The following ATP8A2 variants were observed in gnomAD, a reference collection of about 807,000 sequenced individuals.
ATP8A2 encodes ATPase phospholipid transporting 8A2.
Under a neutral mutation model 165.6 loss-of-function variants are expected in ATP8A2, and 100 were observed. The ratio of observed to expected loss-of-function variants is 0.60; its 90% confidence interval spans 0.51 to 0.71. The LOEUF is 0.71. Ranked by LOEUF, ATP8A2 falls within the 30% of genes least tolerant of loss-of-function variation. The pLI, the probability that ATP8A2 is intolerant of heterozygous loss-of-function variation, is 0.00. For synonymous variants in ATP8A2, 543 were observed against 548.8 expected (o/e 0.99, Z 0.15); for missense variants, 1,227 against 1,479.5 (o/e 0.83, Z 2.80).
chr13:25,458,462 G>A (rs1378572197), intron 1 of ATP8A2, among the ~76,000 whole-genome samples: 9 of 152,156 alleles, frequency 5.9e-5, no homozygotes, highest in South Asian at 2.1e-4. Context: ...CAATCCTCCC[G>A]CCTCAGCGTC....
intron 24 of ATP8A2, among the ~76,000 whole-genome samples, chr13:25,677,959 A>G (rs957455258): frequency 1.3e-5 from 2 of 152,218 alleles, no homozygotes; most frequent in African/African-American, 2.4e-5. Context: ...GGGATATTAC[A>G]GAGGGTTATG....
intron 25 of ATP8A2, among the ~76,000 whole-genome samples, chr13:25,763,346 C>G (rs1392873370): frequency 6.6e-6 from 1 of 152,176 alleles, no homozygotes; most frequent in Non-Finnish European, 1.5e-5. Context: ...TCTCACCTTT[C>G]CTTCGTTGTT....
chr13:25,415,967 C>T (rs2034121184), intron 1 of ATP8A2, among the ~76,000 whole-genome samples: 1 of 152,158 alleles, frequency 6.6e-6, no homozygotes, highest in Non-Finnish European at 1.5e-5. Flanking sequence ...TAGTTGAGAC[C>T]ACAGGTGTTC....
chr13:25,654,805 T>C (rs2038655), intron 24 of ATP8A2, among the ~76,000 whole-genome samples: 60,895 of 152,082 alleles, frequency 0.4, 13,411 homozygotes, highest in Middle Eastern at 0.55. Flanking sequence ...GTGCAGGTGG[T>C]ACATAGAAAT....
At chr13:25,669,931 A>C (rs2042231346) in intron 24 of ATP8A2, among the ~76,000 whole-genome samples, 1 of 152,138 alleles carries the variant, frequency 6.6e-6, no homozygotes, top group Admixed American at 6.5e-5. Context: ...GTATTTTAAG[A>C]ATAAGGTTTA....
At chr13:25,481,189 G>GGGAGAAGGAGAC (rs1270772696) in intron 2 of ATP8A2, among the ~76,000 whole-genome samples, 1 of 145,892 alleles carries the variant, frequency 6.9e-6, no homozygotes, top group Non-Finnish European at 1.5e-5. Context: ...GAGAGGGAGA[G>GGGAGAAGGAGAC]GGACAGGGAG....
At chr13:25,951,568 A>C (rs755959013) in intron 33 of ATP8A2, among the ~76,000 whole-genome samples, 1 of 152,216 alleles carries the variant, frequency 6.6e-6, no homozygotes, top group Non-Finnish European at 1.5e-5. Context: ...GTAGGTAGAC[A>C]GGTGTAGACA....
chr13:25,430,952 G>T (rs1368758776), intron 1 of ATP8A2, among the ~76,000 whole-genome samples: 3 of 151,804 alleles, frequency 2.0e-5, no homozygotes, highest in Non-Finnish European at 4.4e-5. Flanking sequence ...GAAGAAACTG[G>T]TTAATATTGT....
rs2040462859 is a variant in ATP8A2, at chr13:25,604,305, G to A, written c.2211+14606G>A. Among the ~76,000 whole-genome samples, 9 of 152,114 alleles carry A rather than the reference G, an allele frequency of 5.9e-5. No individual in the cohort carries two copies. In the South Asian group the frequency reaches 1.5e-3, roughly 25 times the overall value. The stretch of plus-strand genomic sequence containing the variant: ...GTCTGAGAAATAATTATTGGATTTA[G>A]CAGCGTGGAGGTCATGGGTGACTTG... On this transcript the variant is annotated intron_variant, in intron 24 of 36. Coordinates refer to ENST00000381655, the MANE Select transcript of ATP8A2 (RefSeq NM_016529.6).
chr13:25,623,390 A>G (rs1022839453), intron 24 of ATP8A2, among the ~76,000 whole-genome samples: 1 of 152,014 alleles, frequency 6.6e-6, no homozygotes, highest in African/African-American at 2.4e-5. Flanking sequence ...AGTGAGACTT[A>G]GTCTCCACAA....
chr13:25,878,270 C>T (rs577741227), intron 33 of ATP8A2, among the ~76,000 whole-genome samples: 3 of 152,124 alleles, frequency 2.0e-5, no homozygotes, highest in African/African-American at 4.8e-5. Flanking sequence ...TAAGGTATGT[C>T]GAAACAAATG....
intron 6 of ATP8A2, among the ~76,000 whole-genome samples, chr13:25,534,662 G>A (rs1028851893): frequency 4.6e-5 from 7 of 152,336 alleles, no homozygotes; most frequent in South Asian, 2.1e-4. Flanking sequence ...GTACTGTACC[G>A]CATGCAGTTT....
At chr13:25,658,504 T>G (rs544867316) in intron 24 of ATP8A2, among the ~76,000 whole-genome samples, 2 of 152,170 alleles carry the variant, frequency 1.3e-5, no homozygotes, top group East Asian at 3.9e-4. Context: ...CCGGGGGTGG[T>G]GGTGCGCACC....
chr13:25,394,090 C>T (rs1159730018), intron 1 of ATP8A2, among the ~76,000 whole-genome samples: 2 of 152,182 alleles, frequency 1.3e-5, no homozygotes, highest in East Asian at 3.8e-4. Flanking sequence ...AGTGAATGAT[C>T]ACTGTAACTG....
At chr13:25,732,224 C>A (rs2043665187) in intron 25 of ATP8A2, among the ~76,000 whole-genome samples, 1 of 152,212 alleles carries the variant, frequency 6.6e-6, no homozygotes, top group Admixed American at 6.5e-5. Flanking sequence ...ATGATGCTTT[C>A]TGGGCTGTTA....
rs1445940470 is a variant in ATP8A2, at chr13:25,574,834, C to T, written c.1689C>T (p.Ile563=). The T allele has an allele frequency of 9.6e-6, 15 of 1,558,488 alleles. No homozygotes were observed. In the South Asian group the frequency reaches 1.7e-4, roughly 17 times the overall value. ...TGGGACAGGAACAAACATTCGGAAT[C>T]CTTAATGTCCTGGAATTTTCTAGGT... ...EAMGQEQTFG[I]LNVLEFSSDR... The change falls in exon 19 of 37, where the codon ATC becomes ATT. Residue 563 remains isoleucine, a synonymous_variant. Transcript: ENST00000381655.
chr13:25,957,842 A>C (rs1488082476), intron 33 of ATP8A2, among the ~76,000 whole-genome samples: 1 of 152,222 alleles, frequency 6.6e-6, no homozygotes, highest in African/African-American at 2.4e-5. Flanking sequence ...ACTCTTCACA[A>C]TAGCAAAGAC....
intron 33 of ATP8A2, among the ~76,000 whole-genome samples, chr13:25,903,979 A>C (rs1953849395): frequency 1.3e-5 from 2 of 152,188 alleles, no homozygotes; most frequent in Non-Finnish European, 2.9e-5. Flanking sequence ...TTTAAAAAAA[A>C]ACTGTTGTAC....
At chr13:25,540,533 A>G in intron 8 of ATP8A2, 145 bp downstream of exon 8, 1 of 663,600 alleles carries the variant, frequency 1.5e-6, no homozygotes, top group South Asian at 1.9e-5. Context: ...AGAATATGCC[A>G]TTTATGATGA....
Sources: allele counts gnomAD v4.1 joint callset (sites outside exome capture counted in the v4.1 genomes callset), GRCh38; gene constraint gnomAD v4.1.1; transcripts MANE v1.5; gene names NCBI Gene and HGNC (gene_info 2026-07-23, HGNC 2026-07-21).